The following PWWP2A variants were observed in gnomAD, a reference collection of about 807,000 sequenced individuals.
The protein encoded by PWWP2A is PWWP domain containing 2A.
A neutral mutation model predicts 48.5 loss-of-function variants in PWWP2A; 18 were observed. The ratio of observed to expected loss-of-function variants is 0.37; its 90% CI spans 0.26 to 0.55. PWWP2A has a LOEUF of 0.55. Among genes scored for constraint, PWWP2A ranks in the 20% least tolerant of loss-of-function variants. The probability of loss-of-function intolerance (pLI) is 0.81; values close to 1 mark genes in which losing one functional copy is unlikely to be tolerated. For missense variants in PWWP2A, 867 were observed against 976.4 expected (o/e 0.89, Z 1.49); for synonymous variants, 396 against 387.7 (o/e 1.02, Z -0.25).
In PWWP2A at chr5:160,119,379, C is replaced by T. The variant is rs1561717731; in HGVS notation, c.10G>A (p.Val4Met). The T allele has an allele frequency of 4.4e-6, 6 of 1,367,164 alleles. No individual in the cohort carries two copies. The highest frequency in any genetic ancestry group is 5.6e-6 in the Non-Finnish European group (6 of 1,067,378). 84.7% of individuals were successfully genotyped at this position (1,367,164 alleles called of 1,614,324 possible). A position where few individuals can be genotyped will look rare whatever the true frequency, so the allele number is the denominator to read the frequency against. MAA[V>M]AAEAAATAAS... ...GCAGTCGCTGCCGCCTCTGCAGCCACGGCCGCCATTTTCTTCCTAGCTTCT... is the reference window on the plus strand; with the variant it reads ...GCAGTCGCTGCCGCCTCTGCAGCCATGGCCGCCATTTTCTTCCTAGCTTCT... Residue 4 changes from valine (V) to methionine (M), a missense_variant, in exon 1 of 2, where the codon GTG becomes ATG. Val to Met is a conservative substitution (Grantham distance 21). Transcript: ENST00000307063.
chr5:160,063,889 G>C (rs1753511270), intron 4 of PWWP2A, among the ~76,000 whole-genome samples: 1 of 151,214 alleles, frequency 6.6e-6, no homozygotes, highest in East Asian at 1.9e-4. Context: ...CCCTCCTCTT[G>C]CCTCAGCTTC....
intron 1 of PWWP2A, among the ~76,000 whole-genome samples, chr5:160,115,354 G>A (rs943779950): frequency 2.0e-5 from 3 of 151,828 alleles, no homozygotes; most frequent in South Asian, 4.1e-4. Flanking sequence ...CCAGGAGCAC[G>A]AGATCAGCCT....
chr5:160,094,551 A>G (rs1755414054), intron 1 of PWWP2A, among the ~76,000 whole-genome samples: 1 of 152,206 alleles, frequency 6.6e-6, no homozygotes, highest in Non-Finnish European at 1.5e-5. Context: ...TCTCAACTTT[A>G]TTGGTTAATC....
chr5:160,112,080 G>A (rs1757634071), intron 1 of PWWP2A, among the ~76,000 whole-genome samples: 1 of 133,090 alleles, frequency 7.5e-6, no homozygotes, highest in African/African-American at 2.8e-5. Flanking sequence ...TGAACTGTGA[G>A]TGTGCCACCG....
rs1754017088 is a variant in PWWP2A at position 160,078,647 on chromosome 5, C to T, written c.1670-479G>A. Among the ~76,000 whole-genome samples, 2 of 152,074 alleles carry T rather than the reference C, an allele frequency of 1.3e-5. No individual in the cohort carries two copies. The highest frequency in any genetic ancestry group is 1.5e-5 in the Non-Finnish European group (1 of 68,010). ...TTTATATACAGAGCCAGGCTATGTACAAATCAGCAGCAGGTCACACTGTCC... is the reference window on the plus strand; with the variant it reads ...TTTATATACAGAGCCAGGCTATGTATAAATCAGCAGCAGGTCACACTGTCC... On this transcript the variant is annotated intron_variant, in intron 3 of 3. Coordinates refer to the PWWP2A transcript ENST00000456329. This position sits in a 1 kb window ranked among gnomAD's most constrained non-coding sequence, Gnocchi z 4.2.
Position 160,113,239 on chromosome 5 carries a change from TTTC to T in PWWP2A, c.584+5563_584+5565del, listed in dbSNP as rs554585114. On this transcript the variant is annotated intron_variant, in intron 1 of 1. Coordinates refer to ENST00000307063, the MANE Select transcript of PWWP2A (RefSeq NM_001130864.2). ...TACTATTTAGTACCACTTTCTTTTCTTTCTTGAGTTATGTATGTCCAGCTCCTT... is the reference window on the plus strand; with the variant it reads ...TACTATTTAGTACCACTTTCTTTTCTTTGAGTTATGTATGTCCAGCTCCTT... 457 of 982,688 alleles carry T rather than the reference TTTC, an allele frequency of 4.7e-4. 4 individuals carry two copies. The African/African-American group carries it at 7.2e-3, about 15-fold the overall frequency. 60.9% of individuals were successfully genotyped at this position (982,688 alleles called of 1,614,324 possible).
At chr5:160,085,460 A>T (rs960206335) in intron 2 of PWWP2A, among the ~76,000 whole-genome samples, 1 of 151,954 alleles carries the variant, frequency 6.6e-6, no homozygotes, top group African/African-American at 2.4e-5. Context: ...GTTTCTGGTT[A>T]AGACTCAGAT....
chr5:160,091,260 C>G, downstream of PWWP2A: 1 of 976,086 alleles, frequency 1.0e-6, no homozygotes. Flanking sequence ...TTTTTCATCT[C>G]TTCTAAACAC....
In PWWP2A at chr5:160,093,594, T is replaced by C; in HGVS notation, c.1056A>G (p.Lys352=). 2 of 1,613,580 alleles carry C rather than the reference T, an allele frequency of 1.2e-6. No homozygotes were observed. Among genetic ancestry groups the C allele is most frequent in the Non-Finnish European group, 8.5e-7 (1 of 1,179,778 alleles). ...ATDSSKYEDK[K]RRNESVTTVN... ...CAGTAGTTACACTTTCATTTCTCCG[T>C]TTTTTATCTTCATATTTAGAAGAGT... is the stretch of plus-strand genomic sequence containing the variant. The change falls in exon 2 of 2, where the codon AAA becomes AAG. Residue 352 remains lysine (K), a synonymous_variant. Transcript: ENST00000307063. This position sits in a 1 kb window ranked among gnomAD's most constrained non-coding sequence, Gnocchi z 5.8.
chr5:160,103,521 T>G (rs1756522226), intron 1 of PWWP2A, among the ~76,000 whole-genome samples: 1 of 152,130 alleles, frequency 6.6e-6, no homozygotes, highest in African/African-American at 2.4e-5. Flanking sequence ...TACCAGTCAA[T>G]GCCAAATGAG....
At position 160,063,984 on chromosome 5, in the gene PWWP2A, T is replaced by TTTTTG. The variant is rs1482966350; in HGVS notation, c.*237-312_*237-311insCAAAA. On this transcript the variant is annotated intron_variant and NMD_transcript_variant, in intron 4 of 5. Transcript: ENST00000524050. ...ACCATGACTTTTTTTTTTTTTTTTT[T>TTTTTG]TTGAGACGGAGTCTCACTCTGTCAC... Among the ~76,000 whole-genome samples the TTTTTG allele has an allele frequency of 3.9e-3, 581 of 149,738 alleles. 11 individuals carry two copies. Among genetic ancestry groups the TTTTTG allele is most frequent in the African/African-American group, 0.014 (549 of 40,498 alleles).
chr5:160,073,225 ATTTCT>A (rs757166030), downstream of PWWP2A, among the ~76,000 whole-genome samples: 8 of 84,304 alleles, frequency 9.5e-5, no homozygotes, highest in East Asian at 8.0e-4. Flanking sequence ...GTATAAAAAC[ATTTCT>A]TTTTTTTTTT....
In PWWP2A at chr5:160,118,852, G is replaced by A. The variant is rs1436735581; in HGVS notation, c.537C>T (p.Arg179=). ...CCCCGGAGAAGAGCTTCTCCCCGAA[G>A]CGGAACGACACGACAAGCGCGTCCT... ...IIEDALVVSF[R]FGEKLFSGVL... Residue 179 remains arginine, a synonymous_variant, in exon 1 of 2, where the codon CGC becomes CGT. Coordinates refer to ENST00000307063, the MANE Select transcript of PWWP2A (RefSeq NM_001130864.2). 1.3e-6 allele frequency: 2 copies of A among 1,588,718 alleles called. No individual in the cohort carries two copies. Among genetic ancestry groups the A allele is most frequent in the African/African-American group, 1.4e-5 (1 of 72,266 alleles).
At chr5:160,101,329 G>A (rs184900439) in intron 1 of PWWP2A, among the ~76,000 whole-genome samples, 460 of 152,232 alleles carry the variant, frequency 3.0e-3, no homozygotes, top group Non-Finnish European at 3.7e-3. Context: ...CAGCCAGGGT[G>A]ATAGAGTGAG....
intron 4 of PWWP2A, among the ~76,000 whole-genome samples, chr5:160,064,064 G>T (rs1207877066): frequency 6.7e-6 from 1 of 148,204 alleles, no homozygotes; most frequent in Non-Finnish European, 1.5e-5. Flanking sequence ...TGCCTCCCAG[G>T]TGCAAACGAT....
chr5:160,114,464 AAAG>A (rs1408094213), intron 1 of PWWP2A, among the ~76,000 whole-genome samples: 2 of 149,534 alleles, frequency 1.3e-5, no homozygotes, highest in Non-Finnish European at 1.5e-5. Flanking sequence ...GTCTCAAAAA[AAAG>A]AAAAAGAGTT....
Position 160,119,199 on chromosome 5 carries a change from C to A in PWWP2A, c.190G>T (p.Asp64Tyr). 6.9e-7 allele frequency: 1 copy of A among 1,459,546 alleles called. No individual in the cohort carries two copies. 90.4% of individuals were successfully genotyped at this position (1,459,546 alleles called of 1,614,324 possible). The change falls in exon 1 of 2, where the codon GAC becomes TAC. Residue 64 changes from aspartate (D) to tyrosine (Y), a missense_variant. Physicochemically the swap from Asp to Tyr is radical, Grantham distance 160. Coordinates refer to ENST00000307063, the MANE Select transcript of PWWP2A (RefSeq NM_001130864.2). ...GGTGGCGGCGGGAGCGGCGGCTCGT[C>A]GGCCTGAGGAGCGGATTGCTGCCCG... ...TDGQQSAPQA[D>Y]EPPLPPPPPP...
chr5:160,070,844 G>A (rs1437944562), intron 2 of PWWP2A, among the ~76,000 whole-genome samples: 1 of 152,230 alleles, frequency 6.6e-6, no homozygotes, highest in African/African-American at 2.4e-5. Context: ...AATGCTGAGA[G>A]TTGCAGTTCC....
Position 160,095,047 on chromosome 5 carries a change from CAAAAA to C in PWWP2A, c.585-987_585-983del, listed in dbSNP as rs70987998. Among the ~76,000 whole-genome samples, 14 of 30,878 alleles carry C rather than the reference CAAAAA, an allele frequency of 4.5e-4. No individual in the cohort carries two copies. In the South Asian group the frequency reaches 5.9e-3, roughly 13 times the overall value. The allele number at this position is 30,878 out of a possible 152,430, so 20.3% of individuals were successfully genotyped here. Reference sequence around the variant, plus strand: ...TGGGCAACAGAGCAAGACTCTGTCTCAAAAAAAAAAAAAAAAAAAAAAAAAAAAAA... The same window carrying C: ...TGGGCAACAGAGCAAGACTCTGTCTCAAAAAAAAAAAAAAAAAAAAAAAAA... On this transcript the variant is annotated intron_variant, in intron 1 of 1. Transcript: ENST00000307063.
Sources: allele counts gnomAD v4.1 joint callset (sites outside exome capture counted in the v4.1 genomes callset), GRCh38; gene constraint gnomAD v4.1.1; non-coding constraint Gnocchi (gnomAD v3.1); transcripts MANE v1.5; gene names NCBI Gene and HGNC (gene_info 2026-07-23, HGNC 2026-07-21).